Variants in CEP63 observed in about 807,000 individuals in gnomAD.
CEP63 encodes the protein centrosomal protein of 63 kDa.
A neutral mutation model predicts 89.1 loss-of-function variants in CEP63; 84 were observed. That is an observed-to-expected ratio of 0.94 (90% confidence interval 0.79 to 1.13). The LOEUF (loss-of-function observed/expected upper bound fraction) is 1.13. CEP63 is among the 50% of genes most tolerant of loss of function. The pLI, the probability that CEP63 is intolerant of heterozygous loss-of-function variation, is 0.00. For synonymous variants in CEP63, 267 were observed against 272.5 expected, an observed-to-expected ratio of 0.98 and a Z score of 0.20; for missense variants, 838 against 813.3, an observed-to-expected ratio of 1.03 and a Z score of -0.37.
chr3:134,530,749 A>G (rs932006249), intron 3 of CEP63, among the ~76,000 whole-genome samples: 4 of 152,160 alleles, frequency 2.6e-5, no homozygotes. Flanking sequence ...TTTGAACTTT[A>G]GAATGACTTT....
the CEP63 span, among the ~76,000 whole-genome samples, chr3:134,679,327 GT>G: frequency 5.3e-5 from 8 of 152,254 alleles, no homozygotes; most frequent in African/African-American, 1.9e-4. Context: ...TTGGACCCAG[GT>G]TCGTCCACTT....
the CEP63 span, chr3:134,604,466 T>C: frequency 1.9e-6 from 3 of 1,603,384 alleles, no homozygotes; most frequent in Non-Finnish European, 8.5e-7. Flanking sequence ...ACCGTGGCCT[T>C]CCCATTCACT....
intron 1 of CEP63, 95 bp from the exon 2 acceptor site, chr3:134,495,201 T>G: frequency 2.3e-6 from 2 of 887,788 alleles, no homozygotes; most frequent in Non-Finnish European, 1.9e-6. Flanking sequence ...TTTTCATTAT[T>G]ATGTATGCTT....
chr3:134,624,224 C>G, the CEP63 span, among the ~76,000 whole-genome samples: 2 of 152,240 alleles, frequency 1.3e-5, no homozygotes, highest in Admixed American at 1.3e-4. Context: ...TTCTTCCCCT[C>G]TGCCCCTAGC....
At chr3:134,572,278 T>G (rs1332944430) in intron 11 of CEP63, among the ~76,000 whole-genome samples, 1 of 152,222 alleles carries the variant, frequency 6.6e-6, no homozygotes, top group East Asian at 1.9e-4. Context: ...TATTTTAAAT[T>G]CAGGGGGTGC....
intron 6 of CEP63, among the ~76,000 whole-genome samples, chr3:134,542,154 C>T (rs1952176558): frequency 1.3e-5 from 2 of 152,176 alleles, no homozygotes; most frequent in South Asian, 4.1e-4. Flanking sequence ...TCTATGTTTT[C>T]CTTTTGAAAT....
chr3:134,596,109 TTATGTCACTC>T, the CEP63 span, among the ~76,000 whole-genome samples: 1 of 152,160 alleles, frequency 6.6e-6, no homozygotes, highest in Non-Finnish European at 1.5e-5. Flanking sequence ...AGCTAAATTT[TTATGTCACTC>T]TGGGTTAAAT....
chr3:134,499,640 CA>C lies in CEP63; in HGVS notation c.44+4277del, dbSNP rs1941344511. Among the ~76,000 whole-genome samples, 4 of 151,878 alleles carry C rather than the reference CA, an allele frequency of 2.6e-5. No individual in the cohort carries two copies. In the South Asian group the frequency reaches 8.3e-4, roughly 32 times the overall value. ...TTGTACTGTTTTTATTTTTTAGATT[CA>C]GGGGTACATGTGCTGGTTTGTTAAA... On this transcript the variant is annotated intron_variant, in intron 2 of 14. Transcript: ENST00000675561.
At position 134,549,689 on chromosome 3, in the gene CEP63, C is replaced by T. The variant is rs539750744; in HGVS notation, c.1183-374C>T. Among the ~76,000 whole-genome samples the T allele has an allele frequency of 5.9e-5, 9 of 152,154 alleles. No individual in the cohort carries two copies. The East Asian group carries it at 1.7e-3, about 29-fold the overall frequency. ...AAGATTACTTCTAGTTCCTTACTTC[C>T]TCTTGTTCTATTTGTTATCCTGTGG... is the stretch of plus-strand genomic sequence containing the variant. On this transcript the variant is annotated intron_variant, in intron 10 of 14. Transcript: ENST00000675561.
At chr3:134,708,643 A>G in the CEP63 span, among the ~76,000 whole-genome samples, 1 of 152,224 alleles carries the variant, frequency 6.6e-6, no homozygotes, top group East Asian at 1.9e-4. Context: ...CAATTATTAA[A>G]TACTCGTATC....
the CEP63 span, among the ~76,000 whole-genome samples, chr3:134,638,696 C>T: frequency 6.6e-6 from 1 of 152,250 alleles, no homozygotes; most frequent in Non-Finnish European, 1.5e-5. Flanking sequence ...ACAAGAATGT[C>T]CACATGCTTA....
At chr3:134,566,064 C>T (rs942356149), downstream of CEP63, among the ~76,000 whole-genome samples, 1 of 152,076 alleles carries the variant, frequency 6.6e-6, no homozygotes, top group Non-Finnish European at 1.5e-5. Flanking sequence ...CTGCTTTAAA[C>T]CAATCTTTTG....
the CEP63 span, among the ~76,000 whole-genome samples, chr3:134,657,896 T>G: frequency 6.6e-6 from 1 of 152,124 alleles, no homozygotes; most frequent in Non-Finnish European, 1.5e-5. Context: ...TTCTTTTTAT[T>G]TTATTTATTT....
At chr3:134,690,372 C>T in the CEP63 span, among the ~76,000 whole-genome samples, 47 of 152,128 alleles carry the variant, frequency 3.1e-4, 1 homozygote, top group Non-Finnish European at 6.0e-4. Context: ...CCTGTATTTC[C>T]GTACTTCCTT....
downstream of CEP63, among the ~76,000 whole-genome samples, chr3:134,575,575 T>TTCTC (rs1958196984): frequency 2.5e-5 from 3 of 121,466 alleles, no homozygotes; most frequent in East Asian, 2.7e-4. Context: ...GTGGCCCTCT[T>TTCTC]CCTCCCTCCC....
intron 1 of CEP63, among the ~76,000 whole-genome samples, chr3:134,487,343 CTAAAT>C (rs1935934871): frequency 6.6e-6 from 1 of 152,154 alleles, no homozygotes. Context: ...AGCTCTGAAA[CTAAAT>C]TAGAGTAGAG....
the CEP63 span, among the ~76,000 whole-genome samples, chr3:134,755,395 G>A: frequency 2.0e-5 from 3 of 152,208 alleles, no homozygotes; most frequent in African/African-American, 7.2e-5. Context: ...ATCCCAGAGA[G>A]CATCTCCAGG....
intron 3 of CEP63, chr3:134,511,338 TG>T: frequency 6.3e-6 from 1 of 157,774 alleles, no homozygotes; most frequent in Non-Finnish European, 1.4e-5. Context: ...CCTCTTCCCT[TG>T]ACTTCTCTGT....
At chr3:134,578,317 C>CTTCTT (rs1958260086), downstream of CEP63, among the ~76,000 whole-genome samples, 1 of 87,442 alleles carries the variant, frequency 1.1e-5, no homozygotes, top group African/African-American at 4.5e-5. Flanking sequence ...GTCATTCTGA[C>CTTCTT]TTGTGTTTTT....
Sources: gnomAD v4.1 joint callset for allele counts (sites outside exome capture counted in the v4.1 genomes callset) on GRCh38, gnomAD v4.1.1 for gene constraint, MANE v1.5 for transcripts, NCBI Gene and HGNC (gene_info 2026-07-23, HGNC 2026-07-21) for gene names.